Variants in GABRP observed in about 807,000 individuals in gnomAD.
The protein encoded by GABRP is gamma-aminobutyric acid type A receptor subunit pi, also known as gamma-aminobutyric acid receptor subunit pi.
GABRP carries 52 observed loss-of-function variants against 47.8 expected under a neutral mutation model. The ratio of observed to expected loss-of-function variants is 1.09; its 90% CI spans 0.87 to 1.37. The LOEUF is 1.37. Ranked by LOEUF, GABRP falls within the 40% of genes most tolerant of loss-of-function variation. The pLI, the probability that GABRP is intolerant of heterozygous loss-of-function variation, is 0.00. For synonymous variants in GABRP, 221 were observed against 205.8 expected, an observed-to-expected ratio of 1.07 and a Z score of -0.63; for missense variants, 525 against 542.8, an observed-to-expected ratio of 0.97 and a Z score of 0.33.
chr5:170,786,419 G>A (rs568289182), intron 1 of GABRP, among the ~76,000 whole-genome samples: 4 of 152,264 alleles, frequency 2.6e-5, no homozygotes, highest in African/African-American at 9.6e-5. Context: ...ATTTTGTAAC[G>A]TAAAAACTTT....
intron 3 of GABRP, among the ~76,000 whole-genome samples, chr5:170,793,794 T>C (rs1253904889): frequency 1.3e-5 from 2 of 152,126 alleles, no homozygotes; most frequent in Non-Finnish European, 2.9e-5. Context: ...TAGCCGGGCT[T>C]GGTGGCACAT....
intron 6 of GABRP, among the ~76,000 whole-genome samples, chr5:170,797,907 C>G (rs1054708187): frequency 7.2e-5 from 11 of 152,258 alleles, no homozygotes; most frequent in Non-Finnish European, 1.2e-4. Flanking sequence ...TACTGACACA[C>G]AGTCGTGCCC....
chr5:170,798,391 CAAG>C (rs1765494960), intron 6 of GABRP, among the ~76,000 whole-genome samples: 1 of 152,166 alleles, frequency 6.6e-6, no homozygotes, highest in South Asian at 2.1e-4. Flanking sequence ...CGTGAAATTC[CAAG>C]AAGGAGTGGT....
At chr5:170,811,050 T>C (rs941837132) in intron 9 of GABRP, among the ~76,000 whole-genome samples, 4 of 151,494 alleles carry the variant, frequency 2.6e-5, no homozygotes, top group African/African-American at 7.3e-5. Context: ...TGATAATCAC[T>C]GCACTATGGA....
chr5:170,789,338 C>G lies in GABRP; in HGVS notation c.172+91C>G, dbSNP rs1173545730. 28 of 725,028 alleles carry G rather than the reference C, an allele frequency of 3.9e-5. 1 individual carries two copies. The highest frequency in any genetic ancestry group is 6.1e-5 in the Non-Finnish European group (26 of 428,502). 44.9% of individuals were successfully genotyped at this position (725,028 alleles called of 1,614,324 possible). ...GGGTTTCGGGAGGTTTTAGTTGACT[C>G]CATTTTCTGATCTGCAGCCTGTTAA... is the stretch of plus-strand genomic sequence containing the variant. On this transcript the variant is annotated intron_variant, in intron 3 of 9. Transcript: ENST00000265294.
upstream of GABRP, among the ~76,000 whole-genome samples, chr5:170,783,368 G>A (rs143592226): frequency 8.6e-4 from 131 of 152,242 alleles, 1 homozygote; most frequent in African/African-American, 3.0e-3. Flanking sequence ...GAGGCCTAAG[G>A]AGGTGAAGTG....
At position 170,795,437 on chromosome 5, in the gene GABRP, C is replaced by T. The variant is rs745818819; in HGVS notation, c.458+12C>T. On this transcript the variant is annotated intron_variant, in intron 5 of 9. Transcript: ENST00000265294. ...CTGTATGCCCTCAGGTACGCGGACA[C>T]CTGTGACCTCAGGGGTGGAGGACGG... The T allele has an allele frequency of 8.1e-6, 13 of 1,608,806 alleles. No individual in the cohort carries two copies. Among genetic ancestry groups the T allele is most frequent in the South Asian group, 5.5e-5 (5 of 90,946 alleles).
chr5:170,796,105 C>T (rs549556872), intron 5 of GABRP, among the ~76,000 whole-genome samples: 1 of 152,316 alleles, frequency 6.6e-6, no homozygotes, highest in South Asian at 2.1e-4. Context: ...ACCTAAAGCT[C>T]CCAGAGGCCT....
Position 170,797,637 on chromosome 5 carries a change from C to T in GABRP, c.541+89C>T, listed in dbSNP as rs1040014332. On this transcript the variant is annotated intron_variant, in intron 6 of 9. Transcript: ENST00000265294. ...TGAAAAGTATCTCATACACAGTGAC[C>T]TTTCTTTTCTTAATGTTGATTCATC... 25 of 775,154 alleles carry T rather than the reference C, an allele frequency of 3.2e-5. No individual in the cohort carries two copies. The Admixed American group carries it at 3.9e-4, about 12-fold the overall frequency. The allele number at this position is 775,154 out of a possible 1,614,324, so 48.0% of individuals were successfully genotyped here.
intron 6 of GABRP, among the ~76,000 whole-genome samples, chr5:170,802,726 T>A (rs970796060): frequency 2.7e-5 from 4 of 149,506 alleles, no homozygotes; most frequent in African/African-American, 9.9e-5. Context: ...CTGTTTCACA[T>A]ATACCATCCC....
At chr5:170,791,509 G>T (rs1765268338) in intron 3 of GABRP, among the ~76,000 whole-genome samples, 1 of 152,230 alleles carries the variant, frequency 6.6e-6, no homozygotes. Flanking sequence ...CTACCCAGGA[G>T]CTGGCTTTGA....
intron 6 of GABRP, among the ~76,000 whole-genome samples, 156 bp from the exon 7 acceptor site, chr5:170,805,560 C>T (rs1259147247): frequency 6.6e-6 from 1 of 152,208 alleles, no homozygotes; most frequent in Non-Finnish European, 1.5e-5. Flanking sequence ...TGCAATTGCA[C>T]TTGGGAAATC....
chr5:170,787,827 A>G (rs900898592), intron 1 of GABRP, among the ~76,000 whole-genome samples: 1 of 152,208 alleles, frequency 6.6e-6, no homozygotes, highest in African/African-American at 2.4e-5. Context: ...TTTCCTGTCT[A>G]CATGACTGAC....
chr5:170,809,189 G>A (rs1172829495), intron 8 of GABRP, among the ~76,000 whole-genome samples: 1 of 152,106 alleles, frequency 6.6e-6, no homozygotes, highest in Non-Finnish European at 1.5e-5. Context: ...TGCCCACCTT[G>A]GCCTCCCAAA....
At position 170,813,010 on chromosome 5, in the gene GABRP, T is replaced by C. The variant is rs1765933401; in HGVS notation, c.*752T>C. ...TGCATATCTTATCATTTTATTATTA[T>C]ACACACATCCATCCTAAACTATACT... On this transcript the variant is annotated 3_prime_UTR_variant, in exon 10 of 10. Transcript: ENST00000265294. The C allele has an allele frequency of 1.3e-5, 2 of 152,244 alleles. No homozygotes were observed. The highest frequency in any genetic ancestry group is 4.1e-4 in the South Asian group (2 of 4,826). The allele number at this position is 152,244 out of a possible 1,614,324, so 9.4% of individuals were successfully genotyped here.
chr5:170,790,585 A>G (rs1415312406), intron 3 of GABRP, among the ~76,000 whole-genome samples: 1 of 152,064 alleles, frequency 6.6e-6, no homozygotes, highest in African/African-American at 2.4e-5. Flanking sequence ...CGGGAGAGGC[A>G]AGCTAGGAGA....
At chr5:170,810,763 G>C (rs997590118) in intron 9 of GABRP, among the ~76,000 whole-genome samples, 2 of 152,136 alleles carry the variant, frequency 1.3e-5, no homozygotes, top group African/African-American at 4.8e-5. Context: ...CAAAGATCCA[G>C]TTGCTTTTTC....
rs3079467 is a variant in GABRP, at chr5:170,803,742, GTGGTTGGTTGGTTGGTTGGTTGGT to G, written c.542-1948_542-1925del. 1.7e-3 allele frequency among the ~76,000 whole-genome samples: 253 copies of G among 148,126 alleles called. 2 individuals are homozygous for G. The highest frequency in any genetic ancestry group is 5.9e-3 in the African/African-American group (237 of 40,314). On this transcript the variant is annotated intron_variant, in intron 6 of 9. Transcript: ENST00000265294. The stretch of plus-strand genomic sequence containing the variant: ...TCTTATAAATGGAATCATGCACTAT[GTGGTTGGTTGGTTGGTTGGTTGGT>G]TGGTTGGTTGGTTGGTTGGTTGGTT...
intron 6 of GABRP, among the ~76,000 whole-genome samples, chr5:170,801,939 G>A (rs921332563): frequency 1.3e-5 from 2 of 152,140 alleles, no homozygotes; most frequent in Non-Finnish European, 2.9e-5. Context: ...AAGAGACAAG[G>A]AGTGGGACTC....
Sources: allele counts gnomAD v4.1 joint callset (sites outside exome capture counted in the v4.1 genomes callset), GRCh38; gene constraint gnomAD v4.1.1; transcripts MANE v1.5; gene names NCBI Gene and HGNC (gene_info 2026-07-23, HGNC 2026-07-21).